Variants in USO1 observed in about 807,000 individuals in gnomAD.
The protein encoded by USO1 is USO1 vesicle transport factor, also known as general vesicular transport factor p115.
USO1 carries 57 observed loss-of-function variants against 124.5 expected under a neutral mutation model. That is an observed-to-expected ratio of 0.46 (90% CI 0.37 to 0.57). The LOEUF (loss-of-function observed/expected upper bound fraction) is 0.57, where lower values mean the gene tolerates loss of function less well. USO1 is among the 20% of genes least tolerant of loss of function. The pLI, the probability that USO1 is intolerant of heterozygous loss-of-function variation, is 0.00. For synonymous variants in USO1, 369 were observed against 362.8 expected (o/e 1.02, Z -0.19); for missense variants, 900 against 1,040.6 (o/e 0.86, Z 1.86).
intron 7 of USO1, among the ~76,000 whole-genome samples, chr4:75,773,584 A>G (rs138020048): frequency 6.6e-6 from 1 of 152,274 alleles, no homozygotes; most frequent in East Asian, 1.9e-4. Context: ...GTGTTTGGGC[A>G]ACCAGTTTTT....
Position 75,757,574 on chromosome 4 carries a change from G to T in USO1, c.295+1G>T, listed in dbSNP as rs1721483672. ...TCTAATGAAGAAGAAGAAGAAGTAGGTAAGTTTCCAGTTATTTTTACTGTG... is the reference window on the plus strand; with the variant it reads ...TCTAATGAAGAAGAAGAAGAAGTAGTTAAGTTTCCAGTTATTTTTACTGTG... On this transcript the variant is annotated splice_donor_variant, in intron 4 of 23. Transcript: ENST00000514213. LOFTEE classifies it high-confidence loss of function. 6.7e-7 allele frequency: 1 copy of T among 1,483,346 alleles called. No individual in the cohort carries two copies. Among genetic ancestry groups the T allele is most frequent in the Non-Finnish European group, 9.0e-7 (1 of 1,115,592 alleles). The allele number at this position is 1,483,346 out of a possible 1,614,324, so 91.9% of individuals were successfully genotyped here.
intron 13 of USO1, among the ~76,000 whole-genome samples, chr4:75,795,635 C>T (rs1393090073): frequency 6.6e-6 from 1 of 151,952 alleles, no homozygotes; most frequent in Non-Finnish European, 1.5e-5. Context: ...TCCTTGGTTT[C>T]GGTTTTTTGT....
rs150466901 is a variant in USO1 at position 75,742,490 on chromosome 4, GTTTC to G, written c.67-9880_67-9877del. The stretch of plus-strand genomic sequence containing the variant: ...TTCAAACAAATAGGCTGAGGCATTT[GTTTC>G]TTGTTAACACTTTTCTATTCTGTAA... On this transcript the variant is annotated intron_variant, in intron 1 of 23. Coordinates refer to ENST00000514213, the MANE Select transcript of USO1 (RefSeq NM_003715.4). 5.7e-3 allele frequency among the ~76,000 whole-genome samples: 870 copies of G among 152,238 alleles called. 15 individuals are homozygous for G. Among genetic ancestry groups the G allele is most frequent in the African/African-American group, 0.02 (814 of 41,552 alleles).
chr4:75,726,107 C>A (rs1173741652), intron 1 of USO1, among the ~76,000 whole-genome samples: 1 of 152,054 alleles, frequency 6.6e-6, no homozygotes, highest in African/African-American at 2.4e-5. Context: ...CATGGAGAAA[C>A]CCCGTCTCTA....
chr4:75,787,369 TC>T (rs1209930105), intron 10 of USO1, among the ~76,000 whole-genome samples, 167 bp downstream of exon 10: 8 of 152,212 alleles, frequency 5.3e-5, no homozygotes, highest in Admixed American at 5.2e-4. Flanking sequence ...AAGTATTGAT[TC>T]CAAAAGATAT....
chr4:75,770,189 T>C (rs998850519), intron 4 of USO1: 2 of 236,178 alleles, frequency 8.5e-6, no homozygotes, highest in Non-Finnish European at 1.6e-5. Flanking sequence ...TGAGAAAATA[T>C]GAGTATTTAA....
At chr4:75,751,016 T>A (rs1250719024) in intron 1 of USO1, among the ~76,000 whole-genome samples, 1 of 152,074 alleles carries the variant, frequency 6.6e-6, no homozygotes, top group Non-Finnish European at 1.5e-5. Flanking sequence ...TATTTTCATA[T>A]CAGTAGTTAA....
chr4:75,735,132 T>C (rs992794594), intron 1 of USO1, among the ~76,000 whole-genome samples: 5 of 152,164 alleles, frequency 3.3e-5, no homozygotes, highest in Non-Finnish European at 7.4e-5. Context: ...GTTCTCTTTG[T>C]AGAGACCTCC....
At chr4:75,788,317 G>A (rs1404916953) in intron 10 of USO1, among the ~76,000 whole-genome samples, 11 of 150,838 alleles carry the variant, frequency 7.3e-5, no homozygotes, top group Non-Finnish European at 1.2e-4. Flanking sequence ...ACAGGCACCC[G>A]CCACCATGCC....
chr4:75,790,316 T>TA (rs1230132575), intron 11 of USO1, 78 bp downstream of exon 11: 1 of 1,479,032 alleles, frequency 6.8e-7, no homozygotes, highest in Non-Finnish European at 9.0e-7. Flanking sequence ...ATACACATCT[T>TA]ACTCTTTTTA....
At chr4:75,795,653 C>T (rs946672048) in intron 13 of USO1, among the ~76,000 whole-genome samples, 20 of 151,976 alleles carry the variant, frequency 1.3e-4, no homozygotes, top group African/African-American at 4.8e-4. Context: ...TGTGTTTTTT[C>T]TCCAAGCTTG....
At chr4:75,769,318 C>A (rs1212534392) in intron 4 of USO1, among the ~76,000 whole-genome samples, 1 of 152,138 alleles carries the variant, frequency 6.6e-6, no homozygotes, top group Admixed American at 6.5e-5. Context: ...AGAAATATTT[C>A]TTGGAGTTTC....
intron 4 of USO1, among the ~76,000 whole-genome samples, chr4:75,760,810 T>C (rs1363428379): frequency 1.3e-5 from 2 of 152,204 alleles, no homozygotes; most frequent in African/African-American, 4.8e-5. Flanking sequence ...CTGTTTACTG[T>C]CCAGAACACA....
At chr4:75,794,975 AAC>A (rs1323810215) in intron 13 of USO1, among the ~76,000 whole-genome samples, 4 of 152,212 alleles carry the variant, frequency 2.6e-5, no homozygotes, top group South Asian at 4.1e-4. Flanking sequence ...ATCTGTTAAC[AAC>A]AGTTTTATTT....
chr4:75,764,243 T>C (rs1721702071), intron 4 of USO1, among the ~76,000 whole-genome samples: 1 of 152,214 alleles, frequency 6.6e-6, no homozygotes, highest in African/African-American at 2.4e-5. Flanking sequence ...AAACACTGAA[T>C]TAAACTTTTT....
chr4:75,745,720 T>G (rs534048094), intron 1 of USO1, among the ~76,000 whole-genome samples: 2 of 152,150 alleles, frequency 1.3e-5, no homozygotes, highest in East Asian at 3.9e-4. Context: ...GCCAACAGGG[T>G]GAAACCCCGT....
At chr4:75,769,813 CA>C (rs1721870891) in intron 4 of USO1, among the ~76,000 whole-genome samples, 2 of 146,308 alleles carry the variant, frequency 1.4e-5, no homozygotes, top group South Asian at 4.4e-4. Context: ...ACATTAAAGA[CA>C]AATGTAAAAT....
chr4:75,777,751 A>G (rs1456135484), intron 8 of USO1, among the ~76,000 whole-genome samples: 1 of 152,230 alleles, frequency 6.6e-6, no homozygotes, highest in African/African-American at 2.4e-5. Flanking sequence ...GGAATGCAAA[A>G]TGGTACAACT....
At chr4:75,772,322 T>C (rs1045969549) in intron 7 of USO1, among the ~76,000 whole-genome samples, 5 of 152,030 alleles carry the variant, frequency 3.3e-5, no homozygotes, top group Non-Finnish European at 5.9e-5. Context: ...CTGCAACCTC[T>C]GCCTCCCGGA....
Sources: gnomAD v4.1 joint callset for allele counts (sites outside exome capture counted in the v4.1 genomes callset) on GRCh38, gnomAD v4.1.1 for gene constraint, MANE v1.5 for transcripts, NCBI Gene and HGNC (gene_info 2026-07-23, HGNC 2026-07-21) for gene names.